Variants in CHODL observed in about 807,000 individuals in gnomAD.
The protein encoded by CHODL is transmembrane protein MT75.
A neutral mutation model predicts 34.5 loss-of-function variants in CHODL; 29 were observed. That is an observed-to-expected ratio of 0.84 (90% CI 0.63 to 1.15). CHODL has a LOEUF of 1.15. CHODL is among the 50% of genes most tolerant of loss of function. CHODL has a pLI of 0.00. For missense variants in CHODL, 332 were observed against 332.5 expected (o/e 1.00, Z 0.01); for synonymous variants, 125 against 116.1 (o/e 1.08, Z -0.49).
At chr21:17,982,791 T>G (rs1048674260) in intron 1 of CHODL, among the ~76,000 whole-genome samples, 1 of 132,128 alleles carries the variant, frequency 7.6e-6, no homozygotes, top group South Asian at 2.7e-4. Context: ...CACTGCAACC[T>G]CCGCCTCCCA....
At chr21:17,926,918 C>T (rs973102635) in intron 1 of CHODL, among the ~76,000 whole-genome samples, 1 of 151,754 alleles carries the variant, frequency 6.6e-6, no homozygotes, top group African/African-American at 2.4e-5. Context: ...CAATCTGGGC[C>T]ATTTTGGAAA....
At chr21:18,020,990 C>A (rs1471601121) in intron 1 of CHODL, among the ~76,000 whole-genome samples, 1 of 152,080 alleles carries the variant, frequency 6.6e-6, no homozygotes, top group Non-Finnish European at 1.5e-5. Context: ...TTTCTTTTTG[C>A]ATTAGGATGG....
intron 2 of CHODL, among the ~76,000 whole-genome samples, chr21:18,112,277 T>A (rs1270132747): frequency 6.6e-6 from 1 of 152,130 alleles, no homozygotes; most frequent in African/African-American, 2.4e-5. Context: ...AACCAAAAAA[T>A]TAAAAAATAT....
At chr21:18,063,768 C>T (rs948727567) in intron 2 of CHODL, among the ~76,000 whole-genome samples, 1 of 152,140 alleles carries the variant, frequency 6.6e-6, no homozygotes, top group Non-Finnish European at 1.5e-5. Flanking sequence ...AAGGAATTTT[C>T]ATTGCTTTTA....
chr21:18,143,476 T>C (rs1168021209), intron 2 of CHODL, among the ~76,000 whole-genome samples: 3 of 151,178 alleles, frequency 2.0e-5, no homozygotes, highest in Admixed American at 6.6e-5. Context: ...CCGTTGAAAA[T>C]AAATTGTGTT....
intron 2 of CHODL, among the ~76,000 whole-genome samples, chr21:18,229,542 A>G (rs1312484041): frequency 6.6e-6 from 1 of 152,176 alleles, no homozygotes; most frequent in Non-Finnish European, 1.5e-5. Context: ...AAAAAAGTGT[A>G]TGCCATGTCC....
intron 2 of CHODL, among the ~76,000 whole-genome samples, chr21:18,031,760 G>A (rs906840580): frequency 2.6e-5 from 4 of 151,992 alleles, no homozygotes; most frequent in African/African-American, 9.7e-5. Context: ...TCTACTTGAG[G>A]CCCAATAAAT....
At chr21:17,927,160 G>A (rs200348574) in intron 1 of CHODL, among the ~76,000 whole-genome samples, 6,362 of 67,858 alleles carry the variant, frequency 0.094, 431 homozygotes, top group African/African-American at 0.19. Context: ...GTATATATAT[G>A]TATATATGTA....
chr21:17,999,686 G>T (rs1224888664), intron 1 of CHODL, among the ~76,000 whole-genome samples: 1 of 152,124 alleles, frequency 6.6e-6, no homozygotes, highest in African/African-American at 2.4e-5. Flanking sequence ...TCACTATCAC[G>T]AGAATAGCAT....
At chr21:18,075,260 G>A (rs1252118195) in intron 2 of CHODL, among the ~76,000 whole-genome samples, 1 of 152,166 alleles carries the variant, frequency 6.6e-6, no homozygotes, top group South Asian at 2.1e-4. Context: ...ATGAGTTATA[G>A]AGCGTCACGC....
chr21:18,217,284 G>C (rs2073839695), intron 2 of CHODL, among the ~76,000 whole-genome samples: 1 of 152,098 alleles, frequency 6.6e-6, no homozygotes, highest in East Asian at 1.9e-4. Context: ...ATTCATATGG[G>C]AAAGAGGTTT....
At chr21:18,247,951 A>G (rs2074162800) in intron 1 of CHODL, among the ~76,000 whole-genome samples, 1 of 151,872 alleles carries the variant, frequency 6.6e-6, no homozygotes, top group African/African-American at 2.4e-5. Context: ...TTGGGAGGAT[A>G]TGTTTGAAGA....
At chr21:18,110,380 C>T (rs1189233077) in intron 2 of CHODL, among the ~76,000 whole-genome samples, 1 of 152,120 alleles carries the variant, frequency 6.6e-6, no homozygotes, top group Non-Finnish European at 1.5e-5. Context: ...GACTTATTGT[C>T]ACCAACAGAA....
intron 4 of CHODL, among the ~76,000 whole-genome samples, chr21:18,262,564 C>T (rs1222576409): frequency 2.0e-5 from 3 of 152,138 alleles, no homozygotes; most frequent in African/African-American, 7.2e-5. Context: ...CCATTATAAT[C>T]TTATGGGACC....
intron 2 of CHODL, among the ~76,000 whole-genome samples, chr21:18,092,011 A>T (rs995033590): frequency 1.3e-5 from 2 of 152,178 alleles, no homozygotes; most frequent in African/African-American, 4.8e-5. Flanking sequence ...GGACACATTC[A>T]GGCCCTGGGG....
intron 2 of CHODL, among the ~76,000 whole-genome samples, chr21:18,212,779 T>C (rs1445487272): frequency 6.6e-6 from 1 of 152,162 alleles, no homozygotes; most frequent in Admixed American, 6.5e-5. Context: ...TCTTCATCTA[T>C]ATAAAAATTG....
chr21:18,095,855 G>GA (rs1568883754), intron 2 of CHODL, among the ~76,000 whole-genome samples: 1 of 152,086 alleles, frequency 6.6e-6, no homozygotes. Flanking sequence ...CAACATATGC[G>GA]AAACAATGAA....
At chr21:17,977,623 G>C in intron 1 of CHODL, among the ~76,000 whole-genome samples, 1 of 149,120 alleles carries the variant, frequency 6.7e-6, no homozygotes, top group East Asian at 2.0e-4. Flanking sequence ...GCCTCCCAAA[G>C]TGCTGGGATG....
At chr21:18,076,900 G>A (rs2064873331) in intron 2 of CHODL, among the ~76,000 whole-genome samples, 1 of 152,174 alleles carries the variant, frequency 6.6e-6, no homozygotes, top group Non-Finnish European at 1.5e-5. Context: ...CCAGACAGAG[G>A]AACAGAGCTG....
Sources: gnomAD v4.1 joint callset for allele counts (sites outside exome capture counted in the v4.1 genomes callset) on GRCh38, gnomAD v4.1.1 for gene constraint, MANE v1.5 for transcripts, NCBI Gene and HGNC (gene_info 2026-07-23, HGNC 2026-07-21) for gene names.